The following MAPKAP1 variants were observed in gnomAD, a reference collection of about 807,000 sequenced individuals.
MAPKAP1 encodes the protein MAPK associated protein 1.
Under a neutral mutation model 65.7 loss-of-function variants are expected in MAPKAP1, and 20 were observed. That is an observed-to-expected ratio of 0.30 (90% CI 0.21 to 0.44). The LOEUF is 0.44. Ranked by LOEUF, MAPKAP1 falls within the 20% of genes least tolerant of loss-of-function variation. The pLI, the probability that MAPKAP1 is intolerant of heterozygous loss-of-function variation, is 1.00. For missense variants in MAPKAP1, 423 were observed against 648.0 expected (o/e 0.65, Z 3.77); for synonymous variants, 222 against 244.3 (o/e 0.91, Z 0.85).
At chr9:125,498,252 T>A (rs1828865370) in intron 8 of MAPKAP1, among the ~76,000 whole-genome samples, 1 of 152,222 alleles carries the variant, frequency 6.6e-6, no homozygotes, top group Non-Finnish European at 1.5e-5. Flanking sequence ...TCTGTAAGCT[T>A]CTCTCTCATA....
chr9:125,517,747 T>C (rs1354051658), intron 7 of MAPKAP1, among the ~76,000 whole-genome samples: 1 of 152,170 alleles, frequency 6.6e-6, no homozygotes, highest in East Asian at 1.9e-4. Context: ...GAATGGGCTC[T>C]GGGGAGGAGC....
At chr9:125,459,022 G>A (rs1853335683) in intron 10 of MAPKAP1, among the ~76,000 whole-genome samples, 1 of 132,276 alleles carries the variant, frequency 7.6e-6, no homozygotes, top group Non-Finnish European at 1.6e-5. Context: ...CTCAGACGGG[G>A]CGGCTGCCGG....
intron 7 of MAPKAP1, among the ~76,000 whole-genome samples, chr9:125,518,494 C>T (rs1275828621): frequency 1.3e-5 from 2 of 151,534 alleles, no homozygotes; most frequent in East Asian, 1.9e-4. Context: ...GAAACCTCGT[C>T]GCTACAAAAA....
chr9:125,561,076 G>A (rs1830879552), intron 5 of MAPKAP1, among the ~76,000 whole-genome samples: 1 of 152,196 alleles, frequency 6.6e-6, no homozygotes, highest in African/African-American at 2.4e-5. Context: ...CTTAAGTTTG[G>A]AGTTTTAATT....
intron 6 of MAPKAP1, among the ~76,000 whole-genome samples, chr9:125,546,054 A>G (rs1039062961): frequency 2.0e-5 from 3 of 152,180 alleles, no homozygotes; most frequent in Admixed American, 1.3e-4. Context: ...AATGTTAACG[A>G]TAGTGATCAT....
At chr9:125,597,031 G>A (rs1220543970) in intron 4 of MAPKAP1, among the ~76,000 whole-genome samples, 7 of 150,002 alleles carry the variant, frequency 4.7e-5, no homozygotes, top group Admixed American at 6.6e-5. Flanking sequence ...TGGAGGCCAA[G>A]GCGGGCAGAT....
chr9:125,662,597 G>A (rs1180445050), intron 3 of MAPKAP1, among the ~76,000 whole-genome samples: 1 of 152,086 alleles, frequency 6.6e-6, no homozygotes, highest in Non-Finnish European at 1.5e-5. Context: ...GCAGGTGAAT[G>A]GCGTGAACCC....
In MAPKAP1 at chr9:125,439,129, C is replaced by T; in HGVS notation, c.1444-117G>A. 8.4e-7 allele frequency: 1 copy of T among 1,189,932 alleles called. No homozygotes were observed. Among genetic ancestry groups the T allele is most frequent in the Admixed American group, 2.4e-5 (1 of 42,014 alleles). 73.7% of individuals were successfully genotyped at this position (1,189,932 alleles called of 1,614,324 possible). On this transcript the variant is annotated intron_variant, in intron 11 of 11. Coordinates refer to ENST00000265960, the MANE Select transcript of MAPKAP1 (RefSeq NM_001006617.3). The surrounding 1 kb of genome is among the most constrained non-coding windows in gnomAD (Gnocchi z 4.0). ...GGGCCGGGTGCCTCAGGGCCAGGTG[C>T]TGTCGTGTGGAAGGAGTCCAGTCAT...
chr9:125,630,875 C>T (rs1351718598), intron 4 of MAPKAP1, among the ~76,000 whole-genome samples: 1 of 152,012 alleles, frequency 6.6e-6, no homozygotes, highest in Non-Finnish European at 1.5e-5. Flanking sequence ...ATCACTTGAG[C>T]CCAGGAGTTT....
intron 5 of MAPKAP1, among the ~76,000 whole-genome samples, chr9:125,583,486 G>A (rs1203347189): frequency 6.6e-6 from 1 of 152,210 alleles, no homozygotes; most frequent in African/African-American, 2.4e-5. Context: ...CCTGCAATAA[G>A]TACAAACTCA....
At chr9:125,531,999 C>T (rs550615907) in intron 7 of MAPKAP1, among the ~76,000 whole-genome samples, 3 of 152,236 alleles carry the variant, frequency 2.0e-5, no homozygotes, top group African/African-American at 4.8e-5. Context: ...TTGCAGCTCC[C>T]GTCAATATAT....
chr9:125,502,588 T>C (rs1589240719), intron 8 of MAPKAP1, among the ~76,000 whole-genome samples: 1 of 152,226 alleles, frequency 6.6e-6, no homozygotes, highest in African/African-American at 2.4e-5. Flanking sequence ...TTTCCAAACA[T>C]ATGCAGATCT....
chr9:125,664,519 G>A (rs2131776818), intron 3 of MAPKAP1, among the ~76,000 whole-genome samples: 1 of 151,332 alleles, frequency 6.6e-6, no homozygotes, highest in South Asian at 2.1e-4. Context: ...GAGGTCAGGA[G>A]TTTGAGACCA....
chr9:125,591,625 GA>G (rs1831967698), intron 4 of MAPKAP1, among the ~76,000 whole-genome samples: 1 of 152,180 alleles, frequency 6.6e-6, no homozygotes, highest in African/African-American at 2.4e-5. Context: ...AGGAAATGAT[GA>G]TGGGAAAAGT....
At position 125,663,169 on chromosome 9, in the gene MAPKAP1, C is replaced by A. The variant is rs144310836; in HGVS notation, c.350-5370G>T. On this transcript the variant is annotated intron_variant, in intron 3 of 11. Coordinates refer to ENST00000265960, the MANE Select transcript of MAPKAP1 (RefSeq NM_001006617.3). ...GAAAAAATACAATTCCTTACCAGAC[C>A]CTCCATAACTAGGAACCCCACTACT... 3.0e-3 allele frequency among the ~76,000 whole-genome samples: 461 copies of A among 152,236 alleles called. 2 individuals carry two copies. The highest frequency in any genetic ancestry group is 4.7e-3 in the Admixed American group (72 of 15,298).
At chr9:125,568,895 G>T in intron 5 of MAPKAP1, 1 of 184,466 alleles carries the variant, frequency 5.4e-6, no homozygotes, top group South Asian at 1.3e-4. Flanking sequence ...TCCTCTCTGT[G>T]CAAACGGGTC....
chr9:125,535,179 T>TA lies in MAPKAP1; in HGVS notation c.958+7879_958+7880insT, dbSNP rs1430294962. ...CCAATGATTTGGAACTTCTATGTTT[T>TA]GTGACTACATCTCAAAACATGTTGT... is the stretch of plus-strand genomic sequence containing the variant. On this transcript the variant is annotated intron_variant, in intron 7 of 11. Transcript: ENST00000265960. 2.0e-5 allele frequency among the ~76,000 whole-genome samples: 3 copies of TA among 152,372 alleles called. No homozygotes were observed. The East Asian group carries it at 5.8e-4, about 29-fold the overall frequency.
At chr9:125,545,281 T>C (rs532104669) in intron 6 of MAPKAP1, among the ~76,000 whole-genome samples, 1 of 152,356 alleles carries the variant, frequency 6.6e-6, no homozygotes, top group South Asian at 2.1e-4. Flanking sequence ...AAGTGATACT[T>C]TGGCAAGAGT....
At position 125,622,169 on chromosome 9, in the gene MAPKAP1, G is replaced by A. The variant is rs779318228; in HGVS notation, c.498+35482C>T. Among the ~76,000 whole-genome samples the A allele has an allele frequency of 2.0e-5, 3 of 152,200 alleles. 1 individual carries two copies. The highest frequency in any genetic ancestry group is 4.4e-5 in the Non-Finnish European group (3 of 68,022). On this transcript the variant is annotated intron_variant, in intron 4 of 11. Coordinates refer to ENST00000265960, the MANE Select transcript of MAPKAP1 (RefSeq NM_001006617.3). ...GAGATGGGGAGAGGCTGGTTCATGAGTACAAAATTATAGCTAGATAGGAGG... is the reference window on the plus strand; with the variant it reads ...GAGATGGGGAGAGGCTGGTTCATGAATACAAAATTATAGCTAGATAGGAGG...
Sources: gnomAD v4.1 joint callset for allele counts (sites outside exome capture counted in the v4.1 genomes callset) on GRCh38, gnomAD v4.1.1 for gene constraint, Gnocchi (gnomAD v3.1) non-coding constraint, MANE v1.5 for transcripts, NCBI Gene and HGNC (gene_info 2026-07-23, HGNC 2026-07-21) for gene names.